CSGALNACT1: variants seen among roughly 807,000 people sequenced by gnomAD.
The protein encoded by CSGALNACT1 is beta4GalNAcT-1.
Under a neutral mutation model 51.0 loss-of-function variants are expected in CSGALNACT1, and 52 were observed. The ratio of observed to expected loss-of-function variants is 1.02; its 90% CI spans 0.82 to 1.29. CSGALNACT1 has a LOEUF of 1.29. CSGALNACT1 is among the 50% of genes most tolerant of loss of function. The pLI, the probability that CSGALNACT1 is intolerant of heterozygous loss-of-function variation, is 0.00. For missense variants in CSGALNACT1, 935 were observed against 679.2 expected (o/e 1.38, Z -4.19); for synonymous variants, 341 against 254.4 (o/e 1.34, Z -3.24).
chr8:19,442,899 CCCAATGTTATGACTA>C (rs2061548996), intron 5 of CSGALNACT1, among the ~76,000 whole-genome samples: 1 of 152,094 alleles, frequency 6.6e-6, no homozygotes. Context: ...CTTGGAAGCA[CCCAATGTTATGACTA>C]TCTGAGGAAA....
intron 3 of CSGALNACT1, among the ~76,000 whole-genome samples, chr8:19,533,822 G>A (rs1049712038): frequency 1.3e-5 from 2 of 152,096 alleles, no homozygotes; most frequent in Admixed American, 6.6e-5. Flanking sequence ...CAAAACATAT[G>A]CAGTCTAATT....
chr8:19,529,721 T>C (rs911689053), intron 3 of CSGALNACT1, among the ~76,000 whole-genome samples: 1 of 152,060 alleles, frequency 6.6e-6, no homozygotes, highest in Non-Finnish European at 1.5e-5. Context: ...ATTCCAGGAC[T>C]CCTCCATGGA....
chr8:19,616,066 A>T (rs1010672517), intron 1 of CSGALNACT1, among the ~76,000 whole-genome samples: 2 of 151,640 alleles, frequency 1.3e-5, no homozygotes, highest in Non-Finnish European at 3.0e-5. Context: ...GCACCCATTT[A>T]AAAAAAAGTT....
At chr8:19,725,234 GCCCAC>G (rs2063335171) in intron 1 of CSGALNACT1, among the ~76,000 whole-genome samples, 1 of 152,154 alleles carries the variant, frequency 6.6e-6, no homozygotes, top group African/African-American at 2.4e-5. Flanking sequence ...TGCTAGTGCA[GCCCAC>G]CCTCCATTCT....
At chr8:19,607,473 C>T (rs776230932), upstream of CSGALNACT1, among the ~76,000 whole-genome samples, 33 of 152,156 alleles carry the variant, frequency 2.2e-4, no homozygotes, top group Non-Finnish European at 4.1e-4. Flanking sequence ...GATGGACCTC[C>T]GTAAAAGAGC....
intron 6 of CSGALNACT1, among the ~76,000 whole-genome samples, chr8:19,426,562 T>A (rs924563472): frequency 6.6e-6 from 1 of 152,222 alleles, no homozygotes; most frequent in African/African-American, 2.4e-5. Flanking sequence ...AAACTGAACG[T>A]GCAGTTCCAC....
At chr8:19,601,572 A>T (rs1483663275) in intron 2 of CSGALNACT1, among the ~76,000 whole-genome samples, 199 bp downstream of exon 2, 1 of 152,250 alleles carries the variant, frequency 6.6e-6, no homozygotes, top group African/African-American at 2.4e-5. Flanking sequence ...CAGCCTTTAA[A>T]AAGTGAATGA....
At chr8:19,462,021 A>G (rs1243626170) in intron 4 of CSGALNACT1, among the ~76,000 whole-genome samples, 1 of 152,212 alleles carries the variant, frequency 6.6e-6, no homozygotes, top group Admixed American at 6.5e-5. Context: ...CTATCCACAC[A>G]GCAGCCACAT....
chr8:19,711,868 A>C (rs1276909401), intron 1 of CSGALNACT1, among the ~76,000 whole-genome samples: 2 of 152,196 alleles, frequency 1.3e-5, no homozygotes, highest in African/African-American at 2.4e-5. Flanking sequence ...GCCAGGCACT[A>C]CTGGGATGGT....
chr8:19,661,650 A>T (rs965153352), intron 1 of CSGALNACT1, among the ~76,000 whole-genome samples: 1 of 152,190 alleles, frequency 6.6e-6, no homozygotes, highest in African/African-American at 2.4e-5. Flanking sequence ...ATTCATGATC[A>T]TCTATGCCAT....
At chr8:19,533,283 AT>A (rs933798373) in intron 3 of CSGALNACT1, among the ~76,000 whole-genome samples, 6 of 151,774 alleles carry the variant, frequency 4.0e-5, no homozygotes, top group African/African-American at 1.5e-4. Flanking sequence ...CACCTAGCTA[AT>A]TTTTTTATTT....
chr8:19,582,990 T>A (rs556448997), intron 3 of CSGALNACT1, among the ~76,000 whole-genome samples: 1 of 152,160 alleles, frequency 6.6e-6, no homozygotes, highest in Non-Finnish European at 1.5e-5. Context: ...AATGGGCTAA[T>A]AGCCAAATTA....
chr8:19,652,682 A>C (rs752419999), intron 1 of CSGALNACT1, among the ~76,000 whole-genome samples: 46 of 152,200 alleles, frequency 3.0e-4, no homozygotes, highest in South Asian at 8.3e-4. Flanking sequence ...GGGAAACAGC[A>C]ATCTGTGCTT....
At chr8:19,715,752 G>C (rs6586860) in intron 1 of CSGALNACT1, among the ~76,000 whole-genome samples, 106,885 of 152,008 alleles carry the variant, frequency 0.7, 38,139 homozygotes, top group East Asian at 0.86. Flanking sequence ...TCTGCTAGGT[G>C]TCTAGTGTAA....
intron 6 of CSGALNACT1, among the ~76,000 whole-genome samples, chr8:19,437,088 T>C (rs1011643023): frequency 6.6e-6 from 1 of 152,058 alleles, no homozygotes; most frequent in Non-Finnish European, 1.5e-5. Flanking sequence ...GTTGCAGACT[T>C]AGGACAACAG....
At chr8:19,753,890 A>G (rs1442137210) in intron 1 of CSGALNACT1, among the ~76,000 whole-genome samples, 2 of 152,238 alleles carry the variant, frequency 1.3e-5, no homozygotes, top group South Asian at 2.1e-4. Context: ...GAGTTGTTCA[A>G]TAAATATTCT....
At chr8:19,420,105 T>A (rs1486053956) in intron 7 of CSGALNACT1, among the ~76,000 whole-genome samples, 1 of 152,222 alleles carries the variant, frequency 6.6e-6, no homozygotes, top group Non-Finnish European at 1.5e-5. Context: ...TCCCCAGCCA[T>A]GCAGAACTAT....
At chr8:19,691,255 TG>T (rs947545682) in intron 1 of CSGALNACT1, among the ~76,000 whole-genome samples, 9 of 152,192 alleles carry the variant, frequency 5.9e-5, no homozygotes, top group Non-Finnish European at 1.5e-5. Context: ...GCTGGGTTCC[TG>T]GGAAGTTCCC....
intron 1 of CSGALNACT1, among the ~76,000 whole-genome samples, chr8:19,745,965 T>G (rs1213864140): frequency 2.0e-5 from 3 of 152,114 alleles, no homozygotes; most frequent in Non-Finnish European, 4.4e-5. Flanking sequence ...GCAATTACGA[T>G]GGATGAATGG....
Sources: gnomAD v4.1 joint callset for allele counts (sites outside exome capture counted in the v4.1 genomes callset) on GRCh38, gnomAD v4.1.1 for gene constraint, MANE v1.5 for transcripts, NCBI Gene and HGNC (gene_info 2026-07-23, HGNC 2026-07-21) for gene names.